COG1: variants seen among roughly 807,000 people sequenced by gnomAD.
The protein encoded by COG1 is conserved oligomeric Golgi complex subunit 1.
COG1 carries 61 observed loss-of-function variants against 102.2 expected under a neutral mutation model. The ratio of observed to expected loss-of-function variants is 0.60; its 90% CI spans 0.49 to 0.74. COG1 has a LOEUF of 0.74. COG1 is among the 30% of genes least tolerant of loss of function. The pLI is 0.00. For missense variants in COG1, 1,164 were observed against 1,232.1 expected, an observed-to-expected ratio of 0.94 and a Z score of 0.83; for synonymous variants, 454 against 493.6, an observed-to-expected ratio of 0.92 and a Z score of 1.06.
intron 7 of COG1, 156 bp from the exon 8 acceptor site, chr17:73,202,844 C>A: frequency 2.5e-6 from 2 of 797,704 alleles, no homozygotes; most frequent in Non-Finnish European, 4.3e-6. Context: ...ATTCCCATGG[C>A]TGATATCATT....
intron 4 of COG1, among the ~76,000 whole-genome samples, chr17:73,198,522 G>A (rs1050206721): frequency 2.0e-5 from 3 of 152,160 alleles, no homozygotes; most frequent in Non-Finnish European, 2.9e-5. Flanking sequence ...GGAGGTTGAG[G>A]CTGAAGTGAG....
At position 73,205,536 on chromosome 17, in the gene COG1, T is replaced by G. The variant is rs3829571; in HGVS notation, c.2383-17T>G. On this transcript the variant is annotated splice_polypyrimidine_tract_variant and intron_variant, in intron 9 of 13. Transcript: ENST00000299886. ...GTCCTCTCTCTTCATGGGTGGGGAC[T>G]GGGAATTCATTTGCAGAAAGAAGGT... is the stretch of plus-strand genomic sequence containing the variant. 1 of 1,613,954 alleles carries G rather than the reference T, an allele frequency of 6.2e-7. No homozygotes were observed. The highest frequency in any genetic ancestry group is 8.5e-7 in the Non-Finnish European group (1 of 1,179,966).
In COG1 at chr17:73,196,767, G is replaced by A. The variant is rs764002645; in HGVS notation, c.560+16G>A. ...GCCACTTCCGGTAAGTGGATCCAGC[G>A]CAAAGAGCTGCTCTGGTGGTGGCCA... On this transcript the variant is annotated intron_variant, in intron 2 of 13. Transcript: ENST00000299886. The A allele has an allele frequency of 1.5e-5, 24 of 1,613,958 alleles. No individual in the cohort carries two copies. Among genetic ancestry groups the A allele is most frequent in the East Asian group, 4.5e-5 (2 of 44,896 alleles).
At position 73,200,483 on chromosome 17, in the gene COG1, C is replaced by T. The variant is rs921816851; in HGVS notation, c.1071-83C>T. 11 of 1,151,750 alleles carry T rather than the reference C, an allele frequency of 9.6e-6. No individual in the cohort carries two copies. The East Asian group carries it at 2.1e-4, about 22-fold the overall frequency. 71.3% of individuals were successfully genotyped at this position (1,151,750 alleles called of 1,614,324 possible). On this transcript the variant is annotated intron_variant, in intron 5 of 13. Coordinates refer to ENST00000299886, the MANE Select transcript of COG1 (RefSeq NM_018714.3). ...TACTGGAACTCAGATAAGAGATTGT[C>T]AAATGGGATTCTGATGTTTTTCTTA...
rs202204438 is a variant in COG1 at position 73,201,868 on chromosome 17, G to A, written c.2041G>A (p.Gly681Ser). 1.9e-6 allele frequency: 3 copies of A among 1,614,200 alleles called. No individual in the cohort carries two copies. The highest frequency in any genetic ancestry group is 1.3e-5 in the African/African-American group (1 of 75,062). Reference protein sequence around the residue: ...KEVLLQQSVMGYQVWSSAVVK... With the variant: ...KEVLLQQSVMSYQVWSSAVVK... ...AGTACTCCTCCAGCAGAGCGTGATG[G>A]GCTACCAGGTCTGGAGCAGTGCAGT... Residue 681 changes from glycine to serine, a missense_variant, in exon 7 of 14, where the codon GGC becomes AGC. Physicochemically the swap from Gly to Ser is moderately conservative, Grantham distance 56 (BLOSUM62 0). Coordinates refer to ENST00000299886, the MANE Select transcript of COG1 (RefSeq NM_018714.3).
chr17:73,195,471 G>A (rs1038302027), intron 1 of COG1, among the ~76,000 whole-genome samples: 8 of 152,136 alleles, frequency 5.3e-5, no homozygotes, highest in South Asian at 2.1e-4. Flanking sequence ...AAAAGTGAGC[G>A]GGCATGGTGG....
intron 7 of COG1, 104 bp from the exon 8 acceptor site, chr17:73,202,896 C>A: frequency 2.4e-6 from 3 of 1,268,364 alleles, no homozygotes; most frequent in Non-Finnish European, 3.4e-6. Flanking sequence ...ACTGTACCTA[C>A]AACTTCAGCA....
chr17:73,200,693 G>T lies in COG1; in HGVS notation c.1198G>T (p.Asp400Tyr). ...LTNESTNHSWDVLCRRLLEKP... is the reference protein window; with the variant it reads ...LTNESTNHSWYVLCRRLLEKP... The stretch of plus-strand genomic sequence containing the variant: ...CAATGAGTCCACCAATCACAGCTGG[G>T]ATGTGCTATGTCGGCGGCTTCTGGA... Residue 400 changes from aspartate to tyrosine, a missense_variant, in exon 6 of 14, where the codon GAT becomes TAT. Coordinates refer to ENST00000299886, the MANE Select transcript of COG1 (RefSeq NM_018714.3). 1 of 1,614,170 alleles carries T rather than the reference G, an allele frequency of 6.2e-7. No homozygotes were observed. Among genetic ancestry groups the T allele is most frequent in the Non-Finnish European group, 8.5e-7 (1 of 1,180,032 alleles).
intron 13 of COG1, chr17:73,208,054 G>A (rs2061389534): frequency 7.2e-7 from 1 of 1,381,424 alleles, no homozygotes; most frequent in Non-Finnish European, 9.4e-7. Flanking sequence ...TAGGTTAGCA[G>A]GCTGTGGAGA....
rs1369444703 is a variant in COG1 at position 73,205,668 on chromosome 17, A to C, written c.2498A>C (p.Lys833Thr). The change falls in exon 10 of 14, where the codon AAG becomes ACG. Residue 833 changes from lysine to threonine, a missense_variant. Lys to Thr is a moderately conservative substitution (Grantham distance 78, BLOSUM62 -1). Transcript: ENST00000299886. ...KGDEVKSGRSKPDSRIEKVTD... is the reference protein window; with the variant it reads ...KGDEVKSGRSTPDSRIEKVTD... ...GACGAGGTGAAGAGTGGCCGGAGCA[A>C]GCCAGACTCCAGGTGTCGTATCCTC... 16 of 1,613,772 alleles carry C rather than the reference A, an allele frequency of 9.9e-6. No individual in the cohort carries two copies. Among genetic ancestry groups the C allele is most frequent in the Middle Eastern group, 1.7e-4 (1 of 5,836 alleles).
intron 6 of COG1, 92 bp downstream of exon 6, chr17:73,200,868 T>C (rs2061344146): frequency 3.3e-6 from 4 of 1,217,790 alleles, no homozygotes; most frequent in East Asian, 2.3e-5. Flanking sequence ...TTCCCAAGTA[T>C]ATTCTTTTCC....
At chr17:73,195,934 T>G (rs1389514909) in intron 1 of COG1, among the ~76,000 whole-genome samples, 2 of 152,190 alleles carry the variant, frequency 1.3e-5, no homozygotes, top group Non-Finnish European at 2.9e-5. Context: ...GGAGGGACCT[T>G]AAGGGCATGA....
rs891536678 is a variant in COG1 at position 73,206,193 on chromosome 17, T to G, written c.2550T>G (p.Asp850Glu). 2 of 1,614,100 alleles carry G rather than the reference T, an allele frequency of 1.2e-6. No homozygotes were observed. Among genetic ancestry groups the G allele is most frequent in the African/African-American group, 2.7e-5 (2 of 74,932 alleles). ...CTGACCACCTGGAAGCCCTCATTGA[T>G]CCATTTGACCTGGACGTTTTCACGC... is the stretch of plus-strand genomic sequence containing the variant. ...KVTDHLEALI[D>E]PFDLDVFTPH... The change falls in exon 11 of 14, where the codon GAT becomes GAG. Residue 850 changes from aspartate (D) to glutamate (E), a missense_variant. Asp to Glu is a conservative substitution (Grantham distance 45). Transcript: ENST00000299886.
intron 9 of COG1, 91 bp downstream of exon 9, chr17:73,203,884 ACT>A: frequency 2.1e-6 from 3 of 1,438,938 alleles, no homozygotes; most frequent in Non-Finnish European, 2.9e-6. Context: ...CACATCAAAG[ACT>A]CAAACTGTTA....
intron 7 of COG1, among the ~76,000 whole-genome samples, chr17:73,202,539 G>A (rs1212622714): frequency 1.3e-5 from 2 of 152,158 alleles, no homozygotes; most frequent in African/African-American, 2.4e-5. Flanking sequence ...TGTAATCCTA[G>A]CACTTTGGGA....
At position 73,203,189 on chromosome 17, in the gene COG1, G is replaced by A. The variant is rs781533070; in HGVS notation, c.2220+43G>A. ...GCTGAAAAAGGGAATAAACTGCTCC[G>A]TGGAAAAGAAGAAAGATTTTAGAAA... is the stretch of plus-strand genomic sequence containing the variant. On this transcript the variant is annotated intron_variant, in intron 8 of 13. Coordinates refer to ENST00000299886, the MANE Select transcript of COG1 (RefSeq NM_018714.3). 85 of 1,608,480 alleles carry A rather than the reference G, an allele frequency of 5.3e-5. No homozygotes were observed. The Admixed American group carries it at 1.2e-3, about 23-fold the overall frequency.
Position 73,206,698 on chromosome 17 carries a change from T to G in COG1, c.2620-10T>G, listed in dbSNP as rs144989249. ...ACAATGAAACCTCTGCTCCACCTCT[T>G]GTCTGCCAGGTTCTGTTTGGATTGG... On this transcript the variant is annotated splice_polypyrimidine_tract_variant and intron_variant, in intron 11 of 13. Coordinates refer to ENST00000299886, the MANE Select transcript of COG1 (RefSeq NM_018714.3). 1,519 of 1,600,342 alleles carry G rather than the reference T, an allele frequency of 9.5e-4. 12 individuals are homozygous for G. In the African/African-American group the frequency reaches 0.015, roughly 16 times the overall value.
At chr17:73,193,517 G>A in intron 1 of COG1, 133 bp downstream of exon 1, 2 of 838,576 alleles carry the variant, frequency 2.4e-6, no homozygotes, top group Non-Finnish European at 1.7e-6. Flanking sequence ...GAGCCTATCC[G>A]CCCCTCACCC....
chr17:73,204,809 G>A (rs8072987), intron 9 of COG1, among the ~76,000 whole-genome samples: 74,014 of 151,920 alleles, frequency 0.49, 18,318 homozygotes, highest in East Asian at 0.6. Flanking sequence ...CGCTTGTTTC[G>A]GCCTCCCAAA....
Sources: allele counts gnomAD v4.1 joint callset (sites outside exome capture counted in the v4.1 genomes callset), GRCh38; gene constraint gnomAD v4.1.1; transcripts MANE v1.5; gene names NCBI Gene and HGNC (gene_info 2026-07-23, HGNC 2026-07-21).